Variants in DYNC2H1 observed in about 807,000 individuals in gnomAD.
The protein encoded by DYNC2H1 is cytoplasmic dynein 2 heavy chain 1.
A neutral mutation model predicts 570.0 loss-of-function variants in DYNC2H1; 410 were observed. The observed-to-expected ratio is 0.72, with a 90% CI of 0.66 to 0.78. DYNC2H1 has a LOEUF of 0.78. Among genes scored for constraint, DYNC2H1 ranks in the 30% least tolerant of loss-of-function variants. DYNC2H1 has a pLI of 0.00. For missense variants in DYNC2H1, 4,865 were observed against 5,046.4 expected (o/e 0.96, Z 1.09); for synonymous variants, 1,688 against 1,677.6 (o/e 1.01, Z -0.15).
Position 103,155,464 on chromosome 11 carries a change from T to G in DYNC2H1, c.3707T>G (p.Val1236Gly). ...EKLLFGDLLR[V>G]ADTIVAKAAD... ...CTACTGTTTGGTGATTTGCTCAGAG[T>G]AGCTGATACAATTGTAGCCAAAGCT... is the stretch of plus-strand genomic sequence containing the variant. Residue 1236 changes from valine (V) to glycine (G), a missense_variant, in exon 25 of 89, where the codon GTA (valine) becomes GGA (glycine). Physicochemically the swap from Val to Gly is moderately radical, Grantham distance 109. Around this residue, in one of 5 missense-constraint regions of DYNC2H1, gnomAD observed 1,936 missense variants for 1,962.1 expected, o/e 0.99. Coordinates refer to ENST00000375735, the MANE Select transcript of DYNC2H1 (RefSeq NM_001377.3). The G allele has an allele frequency of 6.2e-7, 1 of 1,611,712 alleles. No individual in the cohort carries two copies.
At chr11:103,323,015 C>CA (rs1938292121) in intron 81 of DYNC2H1, among the ~76,000 whole-genome samples, 1 of 152,144 alleles carries the variant, frequency 6.6e-6, no homozygotes, top group Non-Finnish European at 1.5e-5. Flanking sequence ...TCCTGGAGTC[C>CA]AACTGTCTCC....
At chr11:103,430,687 C>T (rs1591745538) in intron 84 of DYNC2H1, among the ~76,000 whole-genome samples, 2 of 152,008 alleles carry the variant, frequency 1.3e-5, no homozygotes, top group Admixed American at 1.3e-4. Flanking sequence ...AAGTCATCAG[C>T]CCATTTCTGT....
In DYNC2H1 at chr11:103,185,657, C is replaced by T. The variant is rs181551970; in HGVS notation, c.6634-585C>T. Among the ~76,000 whole-genome samples the T allele has an allele frequency of 9.9e-5, 15 of 151,928 alleles. No individual in the cohort carries two copies. The East Asian group carries it at 2.9e-3, about 29-fold the overall frequency. ...TCATTTACTGCTTTCTCTATTCCGT[C>T]TCCCTTTCCATGGCTGTCCTGTTGC... On this transcript the variant is annotated intron_variant, in intron 41 of 88. Transcript: ENST00000375735. The surrounding 1 kb of genome is among the most constrained non-coding windows in gnomAD (Gnocchi z 4.5).
intron 84 of DYNC2H1, among the ~76,000 whole-genome samples, chr11:103,429,886 T>G (rs548527202): frequency 6.6e-6 from 1 of 152,200 alleles, no homozygotes; most frequent in Admixed American, 6.5e-5. Context: ...CATAAAAACC[T>G]TGTGCAACTG....
At position 103,455,251 on chromosome 11, in the gene DYNC2H1, C is replaced by T. The variant is rs770734108; in HGVS notation, c.12522C>T (p.Phe4174=). 2.5e-6 allele frequency: 4 copies of T among 1,613,440 alleles called. No homozygotes were observed. The South Asian group carries it at 3.3e-5, about 13-fold the overall frequency. The change falls in exon 86 of 89, where the codon TTC becomes TTT. Residue 4174 remains phenylalanine (F), a synonymous_variant. Transcript: ENST00000375735. ...LSETLDLSEL[F]HPDTFLNALR... is the part of the protein sequence containing the mutation. ...AAACACTTGACCTATCAGAACTTTTCCATCCAGACACATTTCTTAATGCTC... is the reference window on the plus strand; with the variant it reads ...AAACACTTGACCTATCAGAACTTTTTCATCCAGACACATTTCTTAATGCTC...
intron 72 of DYNC2H1, 59 bp downstream of exon 72, chr11:103,282,288 T>C: frequency 2.0e-6 from 3 of 1,512,704 alleles, no homozygotes; most frequent in Non-Finnish European, 9.1e-7. Context: ...GGCTTTTTGT[T>C]CATGAGGTAT....
At chr11:103,454,895 CA>C in intron 85 of DYNC2H1, 1 of 269,536 alleles carries the variant, frequency 3.7e-6, no homozygotes, top group Non-Finnish European at 7.0e-6. Flanking sequence ...AGTGCTGGCC[CA>C]AAATGGGGTG....
chr11:103,161,011 TA>T lies in DYNC2H1; in HGVS notation c.4463del (p.Asn1488IlefsTer9), dbSNP rs1326948675. The T allele has an allele frequency of 1.3e-6, 2 of 1,539,750 alleles. No homozygotes were observed. Among genetic ancestry groups the T allele is most frequent in the African/African-American group, 1.4e-5 (1 of 71,692 alleles). ...KSLEGEVVPF[K>X]NKVPLSNNVE... ...CTTTAGAGGGAGAAGTTGTACCTTT[TA>T]AAAATAAAGTTCCTCTATCAAATAA... On this transcript the variant is annotated frameshift_variant, in exon 29 of 89. Transcript: ENST00000375735. LOFTEE classifies it high-confidence loss of function.
At chr11:103,172,435 A>T (rs1164783758) in intron 34 of DYNC2H1, among the ~76,000 whole-genome samples, 3 of 151,840 alleles carry the variant, frequency 2.0e-5, no homozygotes, top group African/African-American at 7.3e-5. Flanking sequence ...ACATAAACAA[A>T]CCTTCCCTGA....
At chr11:103,139,891 G>T (rs1381062736) in intron 17 of DYNC2H1, among the ~76,000 whole-genome samples, 1 of 152,130 alleles carries the variant, frequency 6.6e-6, no homozygotes, top group Non-Finnish European at 1.5e-5. Flanking sequence ...TTATGAATCT[G>T]GGTGCTCCTG....
intron 83 of DYNC2H1, among the ~76,000 whole-genome samples, chr11:103,399,251 T>C (rs1305882691): frequency 2.0e-5 from 3 of 150,172 alleles, no homozygotes; most frequent in African/African-American, 7.4e-5. Context: ...CAAGCAATTC[T>C]CCTGCCTCAA....
intron 84 of DYNC2H1, among the ~76,000 whole-genome samples, chr11:103,423,089 A>C (rs1351651193): frequency 6.6e-6 from 1 of 152,130 alleles, no homozygotes; most frequent in Non-Finnish European, 1.5e-5. Context: ...AAGGTCTTAC[A>C]CTTTGTGATT....
At chr11:103,432,671 T>G (rs1356226303) in intron 84 of DYNC2H1, among the ~76,000 whole-genome samples, 1 of 151,556 alleles carries the variant, frequency 6.6e-6, no homozygotes, top group African/African-American at 2.4e-5. Context: ...AAAAAAAAAT[T>G]GAGAAATGCT....
At chr11:103,389,900 G>A (rs1157629359) in intron 83 of DYNC2H1, among the ~76,000 whole-genome samples, 2 of 152,140 alleles carry the variant, frequency 1.3e-5, no homozygotes, top group Admixed American at 6.5e-5. Flanking sequence ...ATTCGCTGAG[G>A]AGTGCTTTAC....
At position 103,325,095 on chromosome 11, in the gene DYNC2H1, A is replaced by G. The variant is rs960693312; in HGVS notation, c.12039+1105A>G. Among the ~76,000 whole-genome samples, 1 of 152,046 alleles carries G rather than the reference A, an allele frequency of 6.6e-6. No individual in the cohort carries two copies. The highest frequency in any genetic ancestry group is 6.6e-5 in the Admixed American group (1 of 15,266). ...GCTTGTTAATTTCTTTAAGTTCCTT[A>G]TAGATTCTGGACATTGGACCTTTGT... On this transcript the variant is annotated intron_variant, in intron 82 of 88. Transcript: ENST00000375735. The surrounding 1 kb of genome is among the most constrained non-coding windows in gnomAD (Gnocchi z 4.8).
At chr11:103,225,701 G>A (rs1863775075) in intron 59 of DYNC2H1, among the ~76,000 whole-genome samples, 1 of 152,064 alleles carries the variant, frequency 6.6e-6, no homozygotes, top group Admixed American at 6.6e-5. Context: ...CTCCAGATTT[G>A]TTTGTTTGCT....
intron 85 of DYNC2H1, among the ~76,000 whole-genome samples, chr11:103,448,845 T>A (rs950646274): frequency 2.0e-5 from 3 of 152,210 alleles, no homozygotes; most frequent in Non-Finnish European, 4.4e-5. Flanking sequence ...CACAATGAAG[T>A]CATTACTTTA....
chr11:103,437,150 C>A (rs562402174), intron 85 of DYNC2H1, among the ~76,000 whole-genome samples: 1 of 152,098 alleles, frequency 6.6e-6, no homozygotes, highest in South Asian at 2.1e-4. Flanking sequence ...GAGCACCTTA[C>A]GTTTTACTTC....
At chr11:103,417,882 A>G (rs892898354) in intron 84 of DYNC2H1, among the ~76,000 whole-genome samples, 2 of 152,076 alleles carry the variant, frequency 1.3e-5, no homozygotes, top group South Asian at 2.1e-4. Flanking sequence ...TCTCAAAAAA[A>G]AAAAAAAATT....
Sources: allele counts gnomAD v4.1 joint callset (sites outside exome capture counted in the v4.1 genomes callset), GRCh38; gene constraint gnomAD v4.1.1; regional missense constraint gnomAD v4.1.1; non-coding constraint Gnocchi (gnomAD v3.1); transcripts MANE v1.5; gene names NCBI Gene and HGNC (gene_info 2026-07-23, HGNC 2026-07-21).